Variants in JAG2 observed in about 807,000 individuals in gnomAD.
JAG2 encodes jagged canonical Notch ligand 2.
In JAG2, 46 loss-of-function variants were observed where a neutral mutation model predicts 141.7. That is an observed-to-expected ratio of 0.32 (90% CI 0.26 to 0.42). JAG2 has a LOEUF of 0.42. Ranked by LOEUF, JAG2 falls within the 10% of genes least tolerant of loss-of-function variation. The pLI, the probability that JAG2 is intolerant of heterozygous loss-of-function variation, is 1.00. For missense variants in JAG2, 1,500 were observed against 1,817.5 expected (o/e 0.83, Z 3.18); for synonymous variants, 862 against 763.5 (o/e 1.13, Z -2.13).
At chr14:105,162,202 G>A (rs1332057498) in intron 2 of JAG2, among the ~76,000 whole-genome samples, 1 of 152,010 alleles carries the variant, frequency 6.6e-6, no homozygotes, top group African/African-American at 2.4e-5. Flanking sequence ...CTATGCCCCT[G>A]CCCAGTCTCT....
In JAG2 at chr14:105,167,416, C is replaced by T. The variant is rs1341165726; in HGVS notation, c.417+341G>A. ...CCAGCACGCGCTGCGCACATGCCAC[C>T]GCGGCCTGCCCGGGACCGGGGCGCC... On this transcript the variant is annotated intron_variant, in intron 2 of 25. Transcript: ENST00000331782. This position sits in a 1 kb window ranked among gnomAD's most constrained non-coding sequence, Gnocchi z 4.8. 6.6e-6 allele frequency among the ~76,000 whole-genome samples: 1 copy of T among 152,006 alleles called. No individual in the cohort carries two copies. Among genetic ancestry groups the T allele is most frequent in the Non-Finnish European group, 1.5e-5 (1 of 67,974 alleles).
chr14:105,145,290 C>T (rs1199812195), intron 23 of JAG2, among the ~76,000 whole-genome samples: 1 of 152,214 alleles, frequency 6.6e-6, no homozygotes, highest in East Asian at 1.9e-4. Flanking sequence ...CCCAGCTCCA[C>T]CTGCAGGCCA....
chr14:105,145,497 C>G (rs1363682768), intron 23 of JAG2, among the ~76,000 whole-genome samples: 1 of 152,218 alleles, frequency 6.6e-6, no homozygotes, highest in Non-Finnish European at 1.5e-5. Flanking sequence ...CTCAGGGCAG[C>G]TGGACAAACA....
At chr14:105,160,229 T>A (rs1305409820) in intron 2 of JAG2, among the ~76,000 whole-genome samples, 1 of 66,408 alleles carries the variant, frequency 1.5e-5, no homozygotes, top group African/African-American at 6.5e-5. Flanking sequence ...CAGGGCTCCA[T>A]CCACACCCCC....
At chr14:105,162,756 CCCCATGGCCCAGTGTA>C (rs1888792419) in intron 2 of JAG2, among the ~76,000 whole-genome samples, 1 of 145,314 alleles carries the variant, frequency 6.9e-6, no homozygotes, top group Admixed American at 6.7e-5. Flanking sequence ...GCCTTGTGCA[CCCCATGGCCCAGTGTA>C]CCCACAGTCC....
At chr14:105,166,832 G>C (rs921225836) in intron 2 of JAG2, among the ~76,000 whole-genome samples, 2 of 152,204 alleles carry the variant, frequency 1.3e-5, no homozygotes, top group African/African-American at 4.8e-5. Context: ...TCACAGGTCT[G>C]CATGGTGCTC....
Position 105,155,883 on chromosome 14 carries a change from G to C in JAG2, c.582C>G (p.Ile194Met), listed in dbSNP as rs200312179. 1 of 1,612,218 alleles carries C rather than the reference G, an allele frequency of 6.2e-7. No individual in the cohort carries two copies. The highest frequency in any genetic ancestry group is 8.5e-7 in the Non-Finnish European group (1 of 1,179,722). The change falls in exon 4 of 26, where the codon ATC becomes ATG. Residue 194 changes from isoleucine (I) to methionine (M), a missense_variant. Ile to Met is a conservative substitution (Grantham distance 10, BLOSUM62 1). Around this residue, in one of 3 missense-constraint regions of JAG2, gnomAD observed 875 missense variants for 1,202.2 expected, o/e 0.73. Coordinates refer to ENST00000331782, the MANE Select transcript of JAG2 (RefSeq NM_002226.5). ...AGTAGTTCTCGTCGCAGCGCACGCG[G>C]ATCTGCAGCTCCAGGTGCGCCACGT... ...SGHVAHLELQIRVRCDENYYS... is the reference protein window; with the variant it reads ...SGHVAHLELQMRVRCDENYYS...
rs754317948 is a variant in JAG2 at position 105,168,118 on chromosome 14, G to C, written c.67-11C>G. The C allele has an allele frequency of 5.2e-6, 8 of 1,527,802 alleles. No individual in the cohort carries two copies. The highest frequency in any genetic ancestry group is 5.2e-6 in the Non-Finnish European group (6 of 1,146,542). 94.6% of individuals were successfully genotyped at this position (1,527,802 alleles called of 1,614,324 possible). On this transcript the variant is annotated splice_polypyrimidine_tract_variant and intron_variant, in intron 1 of 25. Transcript: ENST00000331782. ...CATGGGCCGCGCCGCCTAAAAATAA[G>C]GCAGCGGGAGAGCGGAGGGAGGCGC...
At position 105,155,510 on chromosome 14, in the gene JAG2, G is replaced by A. The variant is rs371629998; in HGVS notation, c.788+52C>T. On this transcript the variant is annotated intron_variant, in intron 5 of 25. Coordinates refer to ENST00000331782, the MANE Select transcript of JAG2 (RefSeq NM_002226.5). The stretch of plus-strand genomic sequence containing the variant: ...ACAGCAAGGCTGTGTGTGCCAGTGA[G>A]GACGTGAGGGCAAAGGTTGGGAGGG... 2.5e-3 allele frequency: 4,009 copies of A among 1,595,486 alleles called. 116 individuals are homozygous for A. The South Asian group carries it at 0.04, about 16-fold the overall frequency.
rs587645374 is a variant in JAG2 at position 105,155,306 on chromosome 14, C to T, written c.788+256G>A. 5.3e-5 allele frequency among the ~76,000 whole-genome samples: 8 copies of T among 152,210 alleles called. No homozygotes were observed. The South Asian group carries it at 1.0e-3, about 20-fold the overall frequency. ...TTGCAGCCTCCGGGTCTCTGCCCCT[C>T]GGTGACGTGACTGTCCAGCCAGCCT... On this transcript the variant is annotated intron_variant, in intron 5 of 25. Transcript: ENST00000331782.
Position 105,155,877 on chromosome 14 carries a change from C to A in JAG2, c.588G>T (p.Val196=). The A allele has an allele frequency of 6.2e-7, 1 of 1,612,288 alleles. No individual in the cohort carries two copies. Among genetic ancestry groups the A allele is most frequent in the Non-Finnish European group, 8.5e-7 (1 of 1,179,736 alleles). Residue 196 remains valine, a synonymous_variant, in exon 4 of 26, where the codon GTG becomes GTT. Coordinates refer to ENST00000331782, the MANE Select transcript of JAG2 (RefSeq NM_002226.5). The stretch of plus-strand genomic sequence containing the variant: ...CGCTGTAGTAGTTCTCGTCGCAGCG[C>A]ACGCGGATCTGCAGCTCCAGGTGCG... The part of the protein sequence containing the change: ...HVAHLELQIR[V]RCDENYYSAT...
chr14:105,150,771 C>T lies in JAG2; in HGVS notation c.1435G>A (p.Val479Met). 5.0e-6 allele frequency: 8 copies of T among 1,587,438 alleles called. No homozygotes were observed. Among genetic ancestry groups the T allele is most frequent in the Non-Finnish European group, 6.9e-6 (8 of 1,167,506 alleles). The change falls in exon 12 of 26, where the codon GTG becomes ATG. Residue 479 changes from valine (V) to methionine (M), a missense_variant. Val to Met is a conservative substitution (Grantham distance 21, BLOSUM62 1). Around this residue, in one of 3 missense-constraint regions of JAG2, gnomAD observed 875 missense variants for 1,202.2 expected, o/e 0.73. Coordinates refer to ENST00000331782, the MANE Select transcript of JAG2 (RefSeq NM_002226.5). ...CQHGGTCKDL[V>M]NGYQCVCPRG... ...GGGCACACACACTGGTACCCGTTCA[C>T]CAGGTCCTGGGCGGGCCAGCCAGGT... is the stretch of plus-strand genomic sequence containing the variant.
At position 105,145,084 on chromosome 14, in the gene JAG2, T is replaced by TGGGCA. The variant is rs754382541; in HGVS notation, c.2953-28_2953-24dup. 60 of 1,608,614 alleles carry TGGGCA rather than the reference T, an allele frequency of 3.7e-5. 1 individual carries two copies. The highest frequency in any genetic ancestry group is 1.3e-4 in the African/African-American group (10 of 74,968). On this transcript the variant is annotated intron_variant, in intron 23 of 25. Transcript: ENST00000331782. ...GCCCTGGGCAGAGACAGGCAGTGCG[T>TGGGCA]GGGCAGGGCAGGGCCGTGAACCTGA...
chr14:105,142,430 C>T lies in JAG2; in HGVS notation c.*265G>A, dbSNP rs1595169738. On this transcript the variant is annotated 3_prime_UTR_variant, in exon 26 of 26. Coordinates refer to ENST00000331782, the MANE Select transcript of JAG2 (RefSeq NM_002226.5). The stretch of plus-strand genomic sequence containing the variant: ...GGTGACGACGCAGACACCCTTTGCT[C>T]TCTCCTTTCATACAGCGAGTGCCAC... 4 of 481,460 alleles carry T rather than the reference C, an allele frequency of 8.3e-6. No homozygotes were observed. Among genetic ancestry groups the T allele is most frequent in the East Asian group, 4.0e-5 (1 of 25,104 alleles). 29.8% of individuals were successfully genotyped at this position (481,460 alleles called of 1,614,324 possible). A position where few individuals can be genotyped will look rare whatever the true frequency, so the allele number is the denominator to read the frequency against.
intron 17 of JAG2, 32 bp downstream of exon 17, chr14:105,148,084 C>T (rs750763607): frequency 5.3e-6 from 8 of 1,508,336 alleles, no homozygotes; most frequent in Admixed American, 2.0e-5. Flanking sequence ...GGCATATGCC[C>T]GGCGGTCGCA....
Position 105,167,840 on chromosome 14 carries a change from C to A in JAG2, c.334G>T (p.Gly112Trp), listed in dbSNP as rs766203604. The change falls in exon 2 of 26, where the codon GGG (glycine) becomes TGG (tryptophan). Residue 112 changes from glycine to tryptophan, a missense_variant. Transcript: ENST00000331782. The surrounding 1 kb of genome is among the most constrained non-coding windows in gnomAD (Gnocchi z 4.8). Reference protein sequence around the residue: ...SFYLPPAGAAGDRARARARAG... With the variant: ...SFYLPPAGAAWDRARARARAG... ...CGGGCCCGCGCCCGCGCTCGGTCCC[C>A]CGCAGCGCCCGCCGGCGGCAGGTAG... The A allele has an allele frequency of 4.0e-6, 6 of 1,505,454 alleles. No individual in the cohort carries two copies. The highest frequency in any genetic ancestry group is 1.8e-6 in the Non-Finnish European group (2 of 1,134,516). 93.3% of individuals were successfully genotyped at this position (1,505,454 alleles called of 1,614,324 possible).
chr14:105,147,937 C>G (rs1388792975), intron 17 of JAG2, 49 bp from the exon 18 acceptor site: 1 of 1,428,358 alleles, frequency 7.0e-7, no homozygotes, highest in African/African-American at 1.4e-5. Context: ...CCTGGGCTGG[C>G]CCTGGGTCTC....
Position 105,168,392 on chromosome 14 carries a change from GGAAGGC to G in JAG2, c.23_28del (p.Arg8_Leu9del). ...CGCCAGCAGCAGCAGCAGCCGCCGG[GGAAGGC>G]GCCCCCGGCCCTGCGCCCGCATTGC... On this transcript the variant is annotated inframe_deletion, in exon 1 of 26. Coordinates refer to ENST00000331782, the MANE Select transcript of JAG2 (RefSeq NM_002226.5). The G allele has an allele frequency of 9.7e-7, 1 of 1,026,350 alleles. No individual in the cohort carries two copies. The highest frequency in any genetic ancestry group is 2.5e-5 in the South Asian group (1 of 39,708). 63.6% of individuals were successfully genotyped at this position (1,026,350 alleles called of 1,614,324 possible). A position where few individuals can be genotyped will look rare whatever the true frequency, so the allele number is the denominator to read the frequency against.
chr14:105,152,310 G>T lies in JAG2; in HGVS notation c.789-19C>A. 1 of 1,611,556 alleles carries T rather than the reference G, an allele frequency of 6.2e-7. No individual in the cohort carries two copies. Among genetic ancestry groups the T allele is most frequent in the Non-Finnish European group, 8.5e-7 (1 of 1,179,250 alleles). ...GCTGCACCTGGGGGAAGGAGGAGGG[G>T]CGCAAGACCCAGTGAGCTGTGGTGC... On this transcript the variant is annotated intron_variant, in intron 5 of 25. Coordinates refer to ENST00000331782, the MANE Select transcript of JAG2 (RefSeq NM_002226.5).
Sources: allele counts gnomAD v4.1 joint callset (sites outside exome capture counted in the v4.1 genomes callset), GRCh38; gene constraint gnomAD v4.1.1; regional missense constraint gnomAD v4.1.1; non-coding constraint Gnocchi (gnomAD v3.1); transcripts MANE v1.5; gene names NCBI Gene and HGNC (gene_info 2026-07-23, HGNC 2026-07-21).